The following LITAF variants were observed in gnomAD, a reference collection of about 807,000 sequenced individuals.
LITAF encodes lipopolysaccharide induced TNF factor.
Under a neutral mutation model 14.5 loss-of-function variants are expected in LITAF, and 9 were observed. The observed-to-expected ratio is 0.62, with a 90% CI of 0.37 to 1.08. LITAF has a LOEUF of 1.08. Ranked by LOEUF, LITAF falls within the 50% of genes least tolerant of loss-of-function variation. The pLI, the probability that LITAF is intolerant of heterozygous loss-of-function variation, is 0.01. For synonymous variants in LITAF, 98 were observed against 88.2 expected (o/e 1.11, Z -0.62); for missense variants, 206 against 213.4 (o/e 0.97, Z 0.22).
At position 11,553,578 on chromosome 16, in the gene LITAF, G is replaced by A. The variant is rs281865134; in HGVS notation, c.332C>T (p.Ala111Val). Residue 111 changes from alanine to valine, a missense_variant, in exon 3 of 4, where the codon GCC becomes GTC. Ala to Val is a moderately conservative substitution (Grantham distance 64). Transcript: ENST00000622633. This position sits in a 1 kb window ranked among gnomAD's most constrained non-coding sequence, Gnocchi z 7.7. ...KMIVSQLSYN[A>V]GALTWLSCGS... Reference sequence around the variant, plus strand: ...GCAGGACAGCCAGGTCAGAGCACCGGCGTTATAGGACAGCTGACTCACGAT... The same window carrying A: ...GCAGGACAGCCAGGTCAGAGCACCGACGTTATAGGACAGCTGACTCACGAT... The A allele has an allele frequency of 6.2e-7, 1 of 1,614,180 alleles. No individual in the cohort carries two copies. The highest frequency in any genetic ancestry group is 8.5e-7 in the Non-Finnish European group (1 of 1,180,046).
intron 3 of LITAF, among the ~76,000 whole-genome samples, chr16:11,619,010 CA>C (rs1056871069): frequency 1.3e-5 from 2 of 148,912 alleles, no homozygotes; most frequent in Non-Finnish European, 3.0e-5. Context: ...AACAAACAAA[CA>C]AAAAAAACCC....
intron 1 of LITAF, among the ~76,000 whole-genome samples, chr16:11,570,206 C>G (rs559413387): frequency 6.4e-4 from 98 of 152,250 alleles, no homozygotes; most frequent in African/African-American, 2.2e-3. Flanking sequence ...AATGGGCCAA[C>G]AGTAGTACTT....
At chr16:11,631,608 G>A (rs978794540) in intron 3 of LITAF, among the ~76,000 whole-genome samples, 16 of 152,148 alleles carry the variant, frequency 1.1e-4, no homozygotes, top group South Asian at 4.1e-4. Context: ...CAGTCTGGTC[G>A]CGAATTCCTG....
In LITAF at chr16:11,553,502, T is replaced by C. The variant is rs1288665883; in HGVS notation, c.377+31A>G. 1.2e-6 allele frequency: 2 copies of C among 1,612,990 alleles called. No individual in the cohort carries two copies. Among genetic ancestry groups the C allele is most frequent in the Admixed American group, 1.7e-5 (1 of 59,982 alleles). ...CCAGCACCCAGAGAGAAGGGCAGGA[T>C]GGCTTGGGGCCAAGTGGGAGGCAGA... On this transcript the variant is annotated intron_variant, in intron 3 of 3. Transcript: ENST00000622633. This position sits in a 1 kb window ranked among gnomAD's most constrained non-coding sequence, Gnocchi z 7.7.
At chr16:11,624,109 AC>A (rs1019482266) in intron 3 of LITAF, among the ~76,000 whole-genome samples, 3 of 152,040 alleles carry the variant, frequency 2.0e-5, no homozygotes, top group African/African-American at 7.3e-5. Flanking sequence ...ACATAGTAAG[AC>A]CCCATTTCTA....
At chr16:11,591,661 G>C (rs1273189702), upstream of LITAF, among the ~76,000 whole-genome samples, 2 of 151,094 alleles carry the variant, frequency 1.3e-5, no homozygotes, top group African/African-American at 2.4e-5. Context: ...TTTTTTTTGA[G>C]ACAGAGTCTC....
upstream of LITAF, among the ~76,000 whole-genome samples, chr16:11,638,299 T>G (rs12708732): frequency 0.36 from 54,056 of 151,064 alleles, 11,353 homozygotes; most frequent in African/African-American, 0.59. Flanking sequence ...ACATAACAAG[T>G]GCTCAGTATT....
At chr16:11,603,908 G>C (rs1424191198) in intron 3 of LITAF, among the ~76,000 whole-genome samples, 1 of 152,098 alleles carries the variant, frequency 6.6e-6, no homozygotes, top group Non-Finnish European at 1.5e-5. Context: ...TTACCCAGGC[G>C]TGGTGGCGGG....
chr16:11,564,720 T>C (rs1479355552), intron 1 of LITAF, among the ~76,000 whole-genome samples: 1 of 152,076 alleles, frequency 6.6e-6, no homozygotes, highest in East Asian at 1.9e-4. Context: ...AAGCCCGGGG[T>C]GGCCAGCCTA....
At chr16:11,613,130 C>A (rs2064993060) in intron 3 of LITAF, among the ~76,000 whole-genome samples, 1 of 152,198 alleles carries the variant, frequency 6.6e-6, no homozygotes, top group Non-Finnish European at 1.5e-5. Flanking sequence ...ACCTCCATCT[C>A]CTGGGTTCAA....
At chr16:11,593,300 G>C (rs1433458287) in intron 1 of LITAF, among the ~76,000 whole-genome samples, 2 of 145,276 alleles carry the variant, frequency 1.4e-5, no homozygotes, top group African/African-American at 5.1e-5. Context: ...ATGTTGCAGT[G>C]AGCCGAGATT....
Position 11,549,801 on chromosome 16 carries a change from T to C in LITAF, c.378-56A>G, listed in dbSNP as rs1387948211. The C allele has an allele frequency of 3.6e-6, 5 of 1,381,454 alleles. No homozygotes were observed. The South Asian group carries it at 6.1e-5, about 17-fold the overall frequency. The allele number at this position is 1,381,454 out of a possible 1,614,324, so 85.6% of individuals were successfully genotyped here. A position where few individuals can be genotyped will look rare whatever the true frequency, so the allele number is the denominator to read the frequency against. On this transcript the variant is annotated intron_variant, in intron 3 of 3. Transcript: ENST00000622633. The surrounding 1 kb of genome is among the most constrained non-coding windows in gnomAD (Gnocchi z 4.6). ...TTACTGATCACAACAGGGTGAACAC[T>C]GGCTGCCAAAACCATGTTCATGTCC...
chr16:11,601,049 G>C (rs2064923390), upstream of LITAF, among the ~76,000 whole-genome samples: 1 of 151,976 alleles, frequency 6.6e-6, no homozygotes, highest in African/African-American at 2.4e-5. Flanking sequence ...ACCGGCACAT[G>C]AAAAAGTGAA....
intron 1 of LITAF, among the ~76,000 whole-genome samples, chr16:11,576,991 T>C (rs2064647001): frequency 1.3e-5 from 2 of 152,192 alleles, no homozygotes; most frequent in African/African-American, 4.8e-5. Context: ...GTGGTGGACA[T>C]TGCCTGTCAA....
At chr16:11,581,813 T>G (rs1278277738) in intron 1 of LITAF, among the ~76,000 whole-genome samples, 3 of 152,108 alleles carry the variant, frequency 2.0e-5, no homozygotes, top group African/African-American at 7.2e-5. Flanking sequence ...TGAATGCATA[T>G]TTACACCTGA....
At chr16:11,598,333 C>G (rs1463582836) in intron 1 of LITAF, 2 of 150,058 alleles carry the variant, frequency 1.3e-5, no homozygotes, top group African/African-American at 4.9e-5. Flanking sequence ...AGATGCCACT[C>G]TTCTACTCGG....
chr16:11,611,745 CT>C (rs2064983378), intron 3 of LITAF, among the ~76,000 whole-genome samples: 1 of 151,692 alleles, frequency 6.6e-6, no homozygotes, highest in African/African-American at 2.4e-5. Context: ...TCACTGCAAT[CT>C]CCACCTCTCG....
intron 1 of LITAF, among the ~76,000 whole-genome samples, chr16:11,584,497 A>C (rs749533794): frequency 9.2e-5 from 14 of 152,138 alleles, no homozygotes; most frequent in Admixed American, 6.5e-5. Flanking sequence ...CCTTCCTCTC[A>C]GTGGATTTTC....
intron 3 of LITAF, among the ~76,000 whole-genome samples, chr16:11,628,642 A>G (rs2065099391): frequency 6.6e-6 from 1 of 151,932 alleles, no homozygotes. Context: ...AGCTGGGATT[A>G]CAGGTGTGTG....
Sources: allele counts gnomAD v4.1 joint callset (sites outside exome capture counted in the v4.1 genomes callset), GRCh38; gene constraint gnomAD v4.1.1; non-coding constraint Gnocchi (gnomAD v3.1); transcripts MANE v1.5; gene names NCBI Gene and HGNC (gene_info 2026-07-23, HGNC 2026-07-21).